The following CNTN4 variants were observed in gnomAD, a reference collection of about 807,000 sequenced individuals.
The protein encoded by CNTN4 is contactin 4.
Under a neutral mutation model 122.5 loss-of-function variants are expected in CNTN4, and 77 were observed. The ratio of observed to expected loss-of-function variants is 0.63; its 90% CI spans 0.52 to 0.76. The LOEUF (loss-of-function observed/expected upper bound fraction) is 0.76, where lower values mean the gene tolerates loss of function less well. Among genes scored for constraint, CNTN4 ranks in the 30% least tolerant of loss-of-function variants. The pLI is 0.00. For missense variants in CNTN4, 1,256 were observed against 1,259.1 expected, an observed-to-expected ratio of 1.00 and a Z score of 0.04; for synonymous variants, 512 against 447.0, an observed-to-expected ratio of 1.15 and a Z score of -1.83.
chr3:2,807,704 G>C (rs943095326), intron 6 of CNTN4, among the ~76,000 whole-genome samples: 1 of 147,270 alleles, frequency 6.8e-6, no homozygotes, highest in African/African-American at 2.5e-5. Flanking sequence ...AAGCATGACT[G>C]GCATTTTTTA....
intron 8 of CNTN4, among the ~76,000 whole-genome samples, chr3:2,869,024 A>G (rs2093755547): frequency 6.6e-6 from 1 of 152,214 alleles, no homozygotes; most frequent in South Asian, 2.1e-4. Context: ...AGCACTCAGC[A>G]TGTTCAGAAA....
chr3:2,511,985 A>G (rs950309418), intron 3 of CNTN4, among the ~76,000 whole-genome samples: 2 of 152,182 alleles, frequency 1.3e-5, no homozygotes, highest in Non-Finnish European at 2.9e-5. Flanking sequence ...ATTAGAGCAT[A>G]TATTTATCTT....
chr3:2,112,403 T>C (rs1372216048), intron 2 of CNTN4, among the ~76,000 whole-genome samples: 1 of 152,202 alleles, frequency 6.6e-6, no homozygotes, highest in Non-Finnish European at 1.5e-5. Context: ...ACTTTATAGG[T>C]GCTTTGAATT....
At chr3:2,781,081 G>A (rs1315201796) in intron 6 of CNTN4, among the ~76,000 whole-genome samples, 1 of 152,160 alleles carries the variant, frequency 6.6e-6, no homozygotes, top group Non-Finnish European at 1.5e-5. Flanking sequence ...TACATGGAGT[G>A]GTGAGGTTCA....
chr3:2,333,701 C>T (rs774981532), intron 2 of CNTN4, among the ~76,000 whole-genome samples: 6 of 152,184 alleles, frequency 3.9e-5, no homozygotes, highest in Non-Finnish European at 7.3e-5. Flanking sequence ...TGGAGCTAGA[C>T]AGCACGATTA....
chr3:2,920,907 A>G (rs1220306052), intron 12 of CNTN4, among the ~76,000 whole-genome samples: 1 of 152,250 alleles, frequency 6.6e-6, no homozygotes, highest in Non-Finnish European at 1.5e-5. Context: ...TCAGTGAATT[A>G]GACCGAAACA....
chr3:2,697,037 T>C (rs2728027), intron 4 of CNTN4, among the ~76,000 whole-genome samples: 35,784 of 152,180 alleles, frequency 0.24, 4,437 homozygotes, highest in South Asian at 0.43. Context: ...TTACCAAAGC[T>C]CACCCTGCCT....
intron 2 of CNTN4, among the ~76,000 whole-genome samples, chr3:2,162,738 A>T (rs187958363): frequency 1.0e-3 from 159 of 152,358 alleles, no homozygotes; most frequent in Non-Finnish European, 2.0e-3. Context: ...AGGAGAGAAC[A>T]ATAATGATAT....
At chr3:2,519,364 A>G (rs1044663122) in intron 3 of CNTN4, among the ~76,000 whole-genome samples, 2 of 152,198 alleles carry the variant, frequency 1.3e-5, no homozygotes, top group Non-Finnish European at 2.9e-5. Context: ...AGGCCTGGAC[A>G]TGATCTACAG....
At chr3:2,982,396 T>C (rs1480797471) in intron 13 of CNTN4, among the ~76,000 whole-genome samples, 1 of 152,198 alleles carries the variant, frequency 6.6e-6, no homozygotes, top group African/African-American at 2.4e-5. Context: ...TCTTATATTA[T>C]TGGCTTATAT....
At chr3:2,933,529 G>C (rs1371112506) in intron 13 of CNTN4, among the ~76,000 whole-genome samples, 1 of 152,154 alleles carries the variant, frequency 6.6e-6, no homozygotes, top group African/African-American at 2.4e-5. Flanking sequence ...GCGTGACTCA[G>C]TTCCCAAGCT....
chr3:2,329,826 C>T (rs1010327137), intron 2 of CNTN4, among the ~76,000 whole-genome samples: 3 of 152,154 alleles, frequency 2.0e-5, no homozygotes, highest in African/African-American at 7.2e-5. Context: ...CCTAACAGCC[C>T]TTATGAGGCT....
intron 13 of CNTN4, among the ~76,000 whole-genome samples, chr3:2,933,491 G>T (rs1020380906): frequency 4.6e-5 from 7 of 152,104 alleles, no homozygotes; most frequent in African/African-American, 1.7e-4. Context: ...TACAGCTATC[G>T]GTCTGGGAAC....
chr3:2,628,394 A>G (rs756377632), intron 4 of CNTN4, among the ~76,000 whole-genome samples: 2 of 152,216 alleles, frequency 1.3e-5, no homozygotes, highest in African/African-American at 4.8e-5. Flanking sequence ...AAATGGCTTT[A>G]GGGATCAACT....
rs1019177121 is a variant in CNTN4, at chr3:2,590,429, G to A, written c.55+18871G>A. ...ATGCCATCACGTCCAGCTAATTTTT[G>A]TATTTTGTGTAGAGACGGGGTTTCA... On this transcript the variant is annotated intron_variant, in intron 4 of 24. Coordinates refer to ENST00000418658, the MANE Select transcript of CNTN4 (RefSeq NM_175607.3). 6.6e-4 allele frequency among the ~76,000 whole-genome samples: 100 copies of A among 151,840 alleles called. 1 individual carries two copies. The highest frequency in any genetic ancestry group is 2.1e-4 in the Non-Finnish European group (14 of 67,986).
At chr3:2,625,778 A>C (rs1437693590) in intron 4 of CNTN4, among the ~76,000 whole-genome samples, 1 of 152,142 alleles carries the variant, frequency 6.6e-6, no homozygotes, top group Admixed American at 6.5e-5. Flanking sequence ...AATTTCTGCT[A>C]TGAATATTGT....
At chr3:2,397,547 T>A (rs945134491) in intron 3 of CNTN4, among the ~76,000 whole-genome samples, 2 of 152,208 alleles carry the variant, frequency 1.3e-5, no homozygotes, top group South Asian at 2.1e-4. Flanking sequence ...CACATATACA[T>A]ACATCTGATT....
chr3:2,797,097 C>A (rs539003702), intron 6 of CNTN4, among the ~76,000 whole-genome samples: 1 of 152,140 alleles, frequency 6.6e-6, no homozygotes, highest in African/African-American at 2.4e-5. Context: ...AACTCCTGGG[C>A]TGAAGTGATC....
chr3:2,288,892 G>A (rs1247073202), intron 2 of CNTN4, among the ~76,000 whole-genome samples: 1 of 152,044 alleles, frequency 6.6e-6, no homozygotes, highest in African/African-American at 2.4e-5. Context: ...TAGGGAAGGT[G>A]GTGAAAAGCA....
Sources: gnomAD v4.1 joint callset for allele counts (sites outside exome capture counted in the v4.1 genomes callset) on GRCh38, gnomAD v4.1.1 for gene constraint, MANE v1.5 for transcripts, NCBI Gene and HGNC (gene_info 2026-07-23, HGNC 2026-07-21) for gene names.